Variants in ADGRB3 observed in about 807,000 individuals in gnomAD.
The protein encoded by ADGRB3 is adhesion G protein-coupled receptor B3, also known as brain-specific angiogenesis inhibitor 3.
A neutral mutation model predicts 193.4 loss-of-function variants in ADGRB3; 37 were observed. That is an observed-to-expected ratio of 0.19 (90% CI 0.15 to 0.25). The LOEUF is 0.25. Among genes scored for constraint, ADGRB3 ranks in the 10% least tolerant of loss-of-function variants. The pLI, the probability that ADGRB3 is intolerant of heterozygous loss-of-function variation, is 1.00. For missense variants in ADGRB3, 1,637 were observed against 1,852.9 expected, an observed-to-expected ratio of 0.88 and a Z score of 2.14; for synonymous variants, 690 against 644.2, an observed-to-expected ratio of 1.07 and a Z score of -1.08.
chr6:68,993,780 C>G lies in ADGRB3; in HGVS notation c.1747C>G (p.Leu583Val), dbSNP rs1029305281. ...RHLQHSIKEHLAKGQRMLAGD... is the reference protein window; with the variant it reads ...RHLQHSIKEHVAKGQRMLAGD... ...TTGACCATCACAGATTAAAGAGCAC[C>G]TTGCTAAGGGGCAGCGAATGCTGGC... Residue 583 changes from leucine to valine, a missense_variant, in exon 11 of 32, where the codon CTT (leucine) becomes GTT (valine). Physicochemically the swap from Leu to Val is conservative, Grantham distance 32 (BLOSUM62 1). Coordinates refer to ENST00000370598, the MANE Select transcript of ADGRB3 (RefSeq NM_001704.3). 1 of 1,613,096 alleles carries G rather than the reference C, an allele frequency of 6.2e-7. No individual in the cohort carries two copies. The highest frequency in any genetic ancestry group is 1.3e-5 in the African/African-American group (1 of 74,864).
At chr6:69,096,407 T>C (rs1056565630) in intron 17 of ADGRB3, among the ~76,000 whole-genome samples, 2 of 150,650 alleles carry the variant, frequency 1.3e-5, no homozygotes, top group Admixed American at 6.6e-5. Context: ...CATCATCTTC[T>C]ATATGCATCT....
chr6:69,087,092 G>T (rs9454688), intron 17 of ADGRB3, among the ~76,000 whole-genome samples: 38,429 of 151,900 alleles, frequency 0.25, 5,160 homozygotes, highest in African/African-American at 0.3. Flanking sequence ...TCCTTTACAC[G>T]TTCTAACTTG....
At chr6:68,967,957 C>T (rs1005430660) in intron 8 of ADGRB3, among the ~76,000 whole-genome samples, 12 of 152,010 alleles carry the variant, frequency 7.9e-5, no homozygotes, top group Non-Finnish European at 1.6e-4. Context: ...AGGTTGCAGT[C>T]GGCCTGTAGT....
intron 17 of ADGRB3, among the ~76,000 whole-genome samples, chr6:69,206,313 G>T (rs1765539954): frequency 6.6e-6 from 1 of 151,648 alleles, no homozygotes; most frequent in African/African-American, 2.4e-5. Flanking sequence ...TGATTAGATT[G>T]TGCCCACCCA....
At chr6:69,185,555 G>A (rs182067959) in intron 17 of ADGRB3, among the ~76,000 whole-genome samples, 30 of 152,154 alleles carry the variant, frequency 2.0e-4, no homozygotes, top group East Asian at 1.7e-3. Context: ...ACCACTATTC[G>A]TACTGTATGC....
intron 3 of ADGRB3, among the ~76,000 whole-genome samples, chr6:68,918,152 C>T (rs1766933866): frequency 6.6e-6 from 1 of 152,070 alleles, no homozygotes; most frequent in South Asian, 2.1e-4. Flanking sequence ...ATTGTAATGA[C>T]TTCTACTTAC....
chr6:68,669,946 T>C (rs1196964020), intron 3 of ADGRB3, among the ~76,000 whole-genome samples: 2 of 152,056 alleles, frequency 1.3e-5, no homozygotes. Flanking sequence ...TTGTCTCTTT[T>C]TGATATAAGC....
intron 20 of ADGRB3, among the ~76,000 whole-genome samples, chr6:69,254,410 T>C (rs1008951053): frequency 6.6e-6 from 1 of 152,200 alleles, no homozygotes; most frequent in Non-Finnish European, 1.5e-5. Context: ...ATTACTTTTT[T>C]TTCCAATACT....
intron 3 of ADGRB3, among the ~76,000 whole-genome samples, chr6:68,838,792 G>C (rs1255169086): frequency 6.6e-6 from 1 of 152,088 alleles, no homozygotes; most frequent in Non-Finnish European, 1.5e-5. Context: ...GTGTTGTTTT[G>C]GAGATTATTT....
At chr6:68,881,994 A>G (rs569402328) in intron 3 of ADGRB3, among the ~76,000 whole-genome samples, 11 of 152,272 alleles carry the variant, frequency 7.2e-5, no homozygotes, top group South Asian at 6.2e-4. Context: ...CTTATGTGGA[A>G]TCTATGAATC....
chr6:68,773,808 C>T (rs933864168), intron 3 of ADGRB3, among the ~76,000 whole-genome samples: 1 of 151,914 alleles, frequency 6.6e-6, no homozygotes, highest in Non-Finnish European at 1.5e-5. Flanking sequence ...GGGCTCATTA[C>T]GGTAGCAGCA....
chr6:69,212,526 A>G (rs1582549556), intron 17 of ADGRB3, among the ~76,000 whole-genome samples: 1 of 39,224 alleles, frequency 2.5e-5, no homozygotes, highest in African/African-American at 3.0e-4. Context: ...ATTTTAAAAG[A>G]AAAAAAAAAT....
intron 3 of ADGRB3, among the ~76,000 whole-genome samples, chr6:68,643,010 A>C (rs778817287): frequency 1.3e-5 from 2 of 152,236 alleles, no homozygotes; most frequent in Non-Finnish European, 2.9e-5. Flanking sequence ...TTACCACTTC[A>C]TTTATAATAA....
chr6:68,759,388 T>TTTC (rs1766352710), intron 3 of ADGRB3, among the ~76,000 whole-genome samples: 1 of 152,152 alleles, frequency 6.6e-6, no homozygotes, highest in Admixed American at 6.5e-5. Flanking sequence ...TTCTTTTAAA[T>TTTC]ATTTTATTCA....
intron 17 of ADGRB3, among the ~76,000 whole-genome samples, chr6:69,167,407 T>C (rs917785919): frequency 3.9e-5 from 6 of 152,236 alleles, no homozygotes; most frequent in East Asian, 3.9e-4. Flanking sequence ...AACTCAGATA[T>C]ACATGGAAAA....
intron 17 of ADGRB3, among the ~76,000 whole-genome samples, chr6:69,132,983 A>G (rs986035129): frequency 2.0e-5 from 3 of 152,076 alleles, no homozygotes; most frequent in African/African-American, 7.2e-5. Flanking sequence ...CCATTGGTCT[A>G]TATATCTGTT....
rs1055764371 is a variant in ADGRB3, at chr6:69,356,265, G to A, written c.3595+405G>A. 9.9e-5 allele frequency among the ~76,000 whole-genome samples: 15 copies of A among 152,120 alleles called. 1 individual carries two copies. The highest frequency in any genetic ancestry group is 8.5e-4 in the Admixed American group (13 of 15,250). On this transcript the variant is annotated intron_variant, in intron 28 of 31. Coordinates refer to ENST00000370598, the MANE Select transcript of ADGRB3 (RefSeq NM_001704.3). ...CTATGATTTGTACAATAACATCAAG[G>A]TTGCTTTGATCTACAGGCAGAATTT...
intron 3 of ADGRB3, among the ~76,000 whole-genome samples, chr6:68,915,393 C>A (rs1476836399): frequency 1.3e-5 from 2 of 152,000 alleles, no homozygotes; most frequent in Non-Finnish European, 2.9e-5. Context: ...GTTAAAAATT[C>A]ATTAAAATGT....
At chr6:68,645,902 G>A (rs1287583978) in intron 3 of ADGRB3, among the ~76,000 whole-genome samples, 1 of 151,884 alleles carries the variant, frequency 6.6e-6, no homozygotes. Context: ...TCAAACTCCT[G>A]ACCTCAGGTG....
Sources: gnomAD v4.1 joint callset for allele counts (sites outside exome capture counted in the v4.1 genomes callset) on GRCh38, gnomAD v4.1.1 for gene constraint, MANE v1.5 for transcripts, NCBI Gene and HGNC (gene_info 2026-07-23, HGNC 2026-07-21) for gene names.